AKAP6: variants seen among roughly 807,000 people sequenced by gnomAD.
AKAP6 encodes the protein A-kinase anchor protein 6.
A neutral mutation model predicts 188.5 loss-of-function variants in AKAP6; 58 were observed. The ratio of observed to expected loss-of-function variants is 0.31; its 90% confidence interval spans 0.25 to 0.38. AKAP6 has a LOEUF of 0.38. AKAP6 is among the 10% of genes least tolerant of loss of function. The probability of loss-of-function intolerance (pLI) is 1.00; values close to 1 mark genes in which losing one functional copy is unlikely to be tolerated. For synonymous variants in AKAP6, 989 were observed against 998.6 expected (o/e 0.99, Z 0.18); for missense variants, 2,710 against 2,740.0 (o/e 0.99, Z 0.24).
intron 2 of AKAP6, among the ~76,000 whole-genome samples, chr14:32,468,582 T>A (rs1182597120): frequency 1.3e-5 from 2 of 152,166 alleles, no homozygotes; most frequent in African/African-American, 4.8e-5. Flanking sequence ...GATCAAGTGT[T>A]ACAAAGAGCC....
rs182540890 is a variant in AKAP6, at chr14:32,353,644, A to G, written c.-35+24236A>G. Among the ~76,000 whole-genome samples the G allele has an allele frequency of 3.4e-3, 517 of 151,360 alleles. 1 individual carries two copies. Among genetic ancestry groups the G allele is most frequent in the African/African-American group, 0.012 (491 of 41,052 alleles). ...AGGAGAAAGAAATAAAGGAGATTCA[A>G]TTAGGAAAAGAGGAAGTCAAATTGT... is the stretch of plus-strand genomic sequence containing the variant. On this transcript the variant is annotated intron_variant, in intron 1 of 13. Transcript: ENST00000280979.
chr14:32,491,003 C>G (rs1879983963), intron 2 of AKAP6, among the ~76,000 whole-genome samples: 1 of 152,172 alleles, frequency 6.6e-6, no homozygotes, highest in Non-Finnish European at 1.5e-5. Context: ...GTAGCACAAG[C>G]TACCTCAAAT....
intron 12 of AKAP6, among the ~76,000 whole-genome samples, chr14:32,803,687 A>G (rs145623422): frequency 2.6e-5 from 4 of 151,982 alleles, no homozygotes; most frequent in Admixed American, 2.6e-4. Flanking sequence ...TGCTCTTTTC[A>G]TTCTCTTCTT....
intron 1 of AKAP6, among the ~76,000 whole-genome samples, chr14:32,348,289 A>G (rs1215670509): frequency 6.6e-6 from 1 of 152,238 alleles, no homozygotes; most frequent in African/African-American, 2.4e-5. Context: ...GTGTAAAATT[A>G]GCACATTTTA....
intron 1 of AKAP6, among the ~76,000 whole-genome samples, chr14:32,337,177 A>G (rs973093799): frequency 2.6e-5 from 4 of 152,232 alleles, no homozygotes; most frequent in Non-Finnish European, 4.4e-5. Context: ...GTAGAAGACT[A>G]TATGCAACAA....
chr14:32,349,077 T>C (rs1045170601), intron 1 of AKAP6, among the ~76,000 whole-genome samples: 2 of 152,236 alleles, frequency 1.3e-5, no homozygotes, highest in African/African-American at 2.4e-5. Context: ...CTAGTACTTA[T>C]TACTCAATAA....
intron 9 of AKAP6, among the ~76,000 whole-genome samples, chr14:32,705,907 C>G (rs1256162126): frequency 5.9e-5 from 9 of 152,144 alleles, no homozygotes; most frequent in Non-Finnish European, 1.3e-4. Flanking sequence ...GGGTCTCACT[C>G]TGGCCATTAA....
chr14:32,798,560 T>A (rs1168476329), intron 12 of AKAP6, among the ~76,000 whole-genome samples: 2 of 152,136 alleles, frequency 1.3e-5, no homozygotes, highest in Non-Finnish European at 2.9e-5. Context: ...GAATGAGATA[T>A]GTCTTTTGCA....
intron 4 of AKAP6, among the ~76,000 whole-genome samples, chr14:32,556,995 GAC>G: frequency 6.6e-6 from 1 of 151,738 alleles, no homozygotes; most frequent in East Asian, 1.9e-4. Context: ...TTTAGGATAA[GAC>G]ACAGCTACAA....
intron 2 of AKAP6, among the ~76,000 whole-genome samples, chr14:32,469,722 TTTTA>T (rs1381467080): frequency 3.2e-5 from 2 of 63,378 alleles, no homozygotes; most frequent in African/African-American, 3.5e-4. Flanking sequence ...AATTTTTTTT[TTTTA>T]TTATTATACT....
At chr14:32,369,448 A>T (rs1222783030) in intron 1 of AKAP6, among the ~76,000 whole-genome samples, 7 of 152,248 alleles carry the variant, frequency 4.6e-5, no homozygotes, top group Non-Finnish European at 7.3e-5. Flanking sequence ...AGGTATACAT[A>T]TGGATTACAT....
chr14:32,468,552 G>C (rs1430260382), intron 2 of AKAP6, among the ~76,000 whole-genome samples: 2 of 138,582 alleles, frequency 1.4e-5, no homozygotes, highest in East Asian at 3.9e-4. Flanking sequence ...GATGTTGCAG[G>C]ATGTTACCTT....
intron 1 of AKAP6, among the ~76,000 whole-genome samples, chr14:32,356,493 T>C (rs1594535422): frequency 6.6e-6 from 1 of 152,202 alleles, no homozygotes; most frequent in Non-Finnish European, 1.5e-5. Context: ...ACTTCCAGTA[T>C]TGTTCCCTTC....
intron 9 of AKAP6, among the ~76,000 whole-genome samples, chr14:32,707,924 A>G (rs913370928): frequency 1.3e-5 from 2 of 152,006 alleles, no homozygotes; most frequent in African/African-American, 4.8e-5. Context: ...AGTAGTAGGG[A>G]AAGAATAAGG....
rs71115084 is a variant in AKAP6 at position 32,551,642 on chromosome 14, TTTTGTTTG to T, written c.2346+4670_2346+4677del. 1.8e-3 allele frequency among the ~76,000 whole-genome samples: 270 copies of T among 148,952 alleles called. 2 individuals carry two copies. Among genetic ancestry groups the T allele is most frequent in the African/African-American group, 5.2e-3 (213 of 40,790 alleles). On this transcript the variant is annotated intron_variant, in intron 4 of 13. Coordinates refer to ENST00000280979, the MANE Select transcript of AKAP6 (RefSeq NM_004274.5). ...TACAGATCTCACCACATTCTGTAAT[TTTTGTTTG>T]TTTGTTTGTTTGTTTGTTTGTTTGT...
chr14:32,530,472 A>C (rs1408753341), intron 2 of AKAP6, among the ~76,000 whole-genome samples: 1 of 152,162 alleles, frequency 6.6e-6, no homozygotes, highest in East Asian at 1.9e-4. Flanking sequence ...ACTTCCTTCC[A>C]GATGCACATG....
At chr14:32,512,489 A>G (rs1019581183) in intron 2 of AKAP6, among the ~76,000 whole-genome samples, 2 of 152,120 alleles carry the variant, frequency 1.3e-5, no homozygotes, top group Non-Finnish European at 2.9e-5. Flanking sequence ...GCTTTGAGGG[A>G]TGTTAGCCAA....
In AKAP6 at chr14:32,730,203, T is replaced by C. The variant is rs115775118; in HGVS notation, c.3001-2251T>C. On this transcript the variant is annotated intron_variant, in intron 9 of 13. Transcript: ENST00000280979. ...ATAACATTTTAGTACCTTTCATCCATATATCAATACATCTAACAATTAACT... is the reference window on the plus strand; with the variant it reads ...ATAACATTTTAGTACCTTTCATCCACATATCAATACATCTAACAATTAACT... 2.1e-3 allele frequency among the ~76,000 whole-genome samples: 315 copies of C among 152,310 alleles called. 1 individual carries two copies. The highest frequency in any genetic ancestry group is 7.4e-3 in the African/African-American group (308 of 41,576).
At chr14:32,629,596 C>T (rs1223143061) in intron 7 of AKAP6, among the ~76,000 whole-genome samples, 1 of 151,372 alleles carries the variant, frequency 6.6e-6, no homozygotes, top group Non-Finnish European at 1.5e-5. Context: ...ATGTGAGGGG[C>T]CAACCCTAAG....
Sources: allele counts gnomAD v4.1 joint callset (sites outside exome capture counted in the v4.1 genomes callset), GRCh38; gene constraint gnomAD v4.1.1; transcripts MANE v1.5; gene names NCBI Gene and HGNC (gene_info 2026-07-23, HGNC 2026-07-21).